The following QTMAN variants were observed in gnomAD, a reference collection of about 807,000 sequenced individuals.
The protein encoded by QTMAN is tRNA-queuosine alpha-mannosyltransferase.
At chr2:144,055,484 T>C in the QTMAN span, among the ~76,000 whole-genome samples, 1 of 152,074 alleles carries the variant, frequency 6.6e-6, no homozygotes, top group African/African-American at 2.4e-5. Context: ...ATGATGAATA[T>C]TCAATTCAGT....
At chr2:144,046,073 A>T in the QTMAN span, among the ~76,000 whole-genome samples, 1 of 152,352 alleles carries the variant, frequency 6.6e-6, no homozygotes, top group South Asian at 2.1e-4. Flanking sequence ...CCTGTCCTCT[A>T]GAGTTACATA....
the QTMAN span, among the ~76,000 whole-genome samples, chr2:144,220,909 C>A: frequency 2.0e-5 from 3 of 152,184 alleles, no homozygotes; most frequent in African/African-American, 7.2e-5. Flanking sequence ...AATGTACCCA[C>A]CTTGTTTCCA....
At chr2:144,075,175 C>T in the QTMAN span, among the ~76,000 whole-genome samples, 6 of 152,048 alleles carry the variant, frequency 3.9e-5, no homozygotes, top group Non-Finnish European at 4.4e-5. Flanking sequence ...ATAAAGTTTA[C>T]GGGAAATGAA....
chr2:144,118,431 G>A, the QTMAN span, among the ~76,000 whole-genome samples: 2 of 151,884 alleles, frequency 1.3e-5, no homozygotes, highest in African/African-American at 4.8e-5. Context: ...TATCTCTCTG[G>A]CTATTACCGA....
the QTMAN span, among the ~76,000 whole-genome samples, chr2:144,242,969 A>AAAAAAAG: frequency 6.6e-6 from 1 of 150,502 alleles, no homozygotes; most frequent in African/African-American, 2.4e-5. Flanking sequence ...TTAAAAAAAA[A>AAAAAAAG]AAAAAAAAAA....
At chr2:143,997,457 A>C in the QTMAN span, among the ~76,000 whole-genome samples, 2 of 152,130 alleles carry the variant, frequency 1.3e-5, no homozygotes, top group African/African-American at 2.4e-5. Flanking sequence ...CTTAATAAAG[A>C]AGCAAAGAAA....
At chr2:144,118,102 T>C in the QTMAN span, among the ~76,000 whole-genome samples, 20 of 152,140 alleles carry the variant, frequency 1.3e-4, no homozygotes, top group African/African-American at 4.8e-4. Context: ...CACCTCGGCC[T>C]CCCAAAGTGC....
chr2:144,326,367 C>T, the QTMAN span, among the ~76,000 whole-genome samples: 1 of 152,032 alleles, frequency 6.6e-6, no homozygotes, highest in Non-Finnish European at 1.5e-5. Context: ...GCGGGCGGAT[C>T]ATGAGGTCAG....
At chr2:144,113,013 A>C in the QTMAN span, among the ~76,000 whole-genome samples, 755 of 152,318 alleles carry the variant, frequency 5.0e-3, 8 homozygotes, top group African/African-American at 0.017. Flanking sequence ...CCAAGATTTA[A>C]GTAGGATCCA....
the QTMAN span, among the ~76,000 whole-genome samples, chr2:144,183,232 T>C: frequency 1.3e-5 from 2 of 152,062 alleles, no homozygotes; most frequent in Non-Finnish European, 2.9e-5. Context: ...GCATAAGATA[T>C]ACTTTTAAAC....
chr2:144,022,620 G>A, the QTMAN span, among the ~76,000 whole-genome samples: 2 of 138,112 alleles, frequency 1.4e-5, no homozygotes, highest in South Asian at 4.6e-4. Flanking sequence ...CTGGAGTGCA[G>A]TGGCACGATC....
At chr2:144,294,684 C>T in the QTMAN span, among the ~76,000 whole-genome samples, 1 of 151,968 alleles carries the variant, frequency 6.6e-6, no homozygotes, top group Non-Finnish European at 1.5e-5. Flanking sequence ...AGACTTATAG[C>T]TATATATAAG....
chr2:144,297,810 G>A, the QTMAN span, among the ~76,000 whole-genome samples: 1 of 151,042 alleles, frequency 6.6e-6, no homozygotes, highest in African/African-American at 2.4e-5. Context: ...TCCATCTCCT[G>A]ACCTCGTGAT....
the QTMAN span, among the ~76,000 whole-genome samples, chr2:144,273,254 T>C: frequency 6.6e-6 from 1 of 152,106 alleles, no homozygotes; most frequent in Admixed American, 6.5e-5. Flanking sequence ...AAACGCTCAA[T>C]TAGATCAAGA....
chr2:144,275,685 G>C, the QTMAN span, among the ~76,000 whole-genome samples: 3 of 152,118 alleles, frequency 2.0e-5, no homozygotes, highest in Non-Finnish European at 4.4e-5. Context: ...ACAGCCCCAT[G>C]ATTGCAGGGA....
the QTMAN span, among the ~76,000 whole-genome samples, chr2:143,953,166 A>G: frequency 6.6e-6 from 1 of 151,856 alleles, no homozygotes; most frequent in Admixed American, 6.6e-5. Flanking sequence ...ACAACATGGT[A>G]AAGTATGGAC....
the QTMAN span, among the ~76,000 whole-genome samples, chr2:143,989,150 T>C: frequency 6.6e-6 from 1 of 152,138 alleles, no homozygotes; most frequent in African/African-American, 2.4e-5. Flanking sequence ...TTAGTCAACC[T>C]TGGTGTTTTT....
At chr2:144,279,373 GAA>G in the QTMAN span, among the ~76,000 whole-genome samples, 25 of 70,828 alleles carry the variant, frequency 3.5e-4, no homozygotes, top group African/African-American at 9.9e-4. Context: ...CTCACCGCAA[GAA>G]AAAAAAAAAA....
chr2:144,075,364 C>T, the QTMAN span, among the ~76,000 whole-genome samples: 1 of 152,328 alleles, frequency 6.6e-6, no homozygotes, highest in African/African-American at 2.4e-5. Flanking sequence ...ACTTCTATAT[C>T]CAACTCATTC....
Sources: allele counts gnomAD v4.1 joint callset (sites outside exome capture counted in the v4.1 genomes callset), GRCh38; gene constraint gnomAD v4.1.1; transcripts MANE v1.5; gene names NCBI Gene and HGNC (gene_info 2026-07-23, HGNC 2026-07-21).